Variants in CDK6 observed in about 807,000 individuals in gnomAD.
CDK6 encodes the protein cyclin dependent kinase 6, also known as cyclin-dependent kinase 6.
A neutral mutation model predicts 37.1 loss-of-function variants in CDK6; 6 were observed. The ratio of observed to expected loss-of-function variants is 0.16; its 90% CI spans 0.09 to 0.32. CDK6 has a LOEUF of 0.32. Among genes scored for constraint, CDK6 ranks in the 10% least tolerant of loss-of-function variants. CDK6 has a pLI of 1.00. For missense variants in CDK6, 224 were observed against 418.9 expected (o/e 0.53, Z 4.06); for synonymous variants, 160 against 161.3 (o/e 0.99, Z 0.06).
At chr7:92,794,742 A>G (rs376761924) in intron 2 of CDK6, among the ~76,000 whole-genome samples, 29 of 152,256 alleles carry the variant, frequency 1.9e-4, no homozygotes, top group East Asian at 5.8e-4. Flanking sequence ...TGATTGCTGA[A>G]TGGATATATA....
chr7:92,763,374 T>C (rs1275262895), intron 3 of CDK6, among the ~76,000 whole-genome samples: 1 of 152,248 alleles, frequency 6.6e-6, no homozygotes, highest in Non-Finnish European at 1.5e-5. Context: ...AGTCTGGTAA[T>C]GGTTTACTAA....
intron 4 of CDK6, among the ~76,000 whole-genome samples, chr7:92,698,665 G>A (rs1032155172): frequency 6.6e-6 from 1 of 152,138 alleles, no homozygotes; most frequent in Admixed American, 6.5e-5. Context: ...CCACCCTGTC[G>A]TCGGTGTAAT....
intron 5 of CDK6, among the ~76,000 whole-genome samples, chr7:92,670,936 G>A (rs755233002): frequency 2.6e-5 from 4 of 151,986 alleles, no homozygotes; most frequent in Admixed American, 6.6e-5. Flanking sequence ...TCCTGTACAC[G>A]GCAGCATTTA....
intron 5 of CDK6, among the ~76,000 whole-genome samples, chr7:92,633,913 C>T (rs902310169): frequency 2.6e-5 from 4 of 151,940 alleles, no homozygotes; most frequent in African/African-American, 9.7e-5. Context: ...AGTGGCTTTC[C>T]AATTAATTTT....
chr7:92,781,146 C>T (rs558479847), intron 2 of CDK6, among the ~76,000 whole-genome samples: 2 of 152,170 alleles, frequency 1.3e-5, no homozygotes, highest in African/African-American at 4.8e-5. Context: ...TAAGGCTATG[C>T]CTTCAGTTTA....
rs1222145403 is a variant in CDK6 at position 92,835,464 on chromosome 7, CCT to C, written c.-368+1012_-368+1013del. On this transcript the variant is annotated intron_variant, in intron 1 of 7. Transcript: ENST00000424848. This position sits in a 1 kb window ranked among gnomAD's most constrained non-coding sequence, Gnocchi z 4.2. ...CGGGAGCAGCAATGCCTTTTCCCCC[CCT>C]CTCCTCCACTTTTTTTTGTTGTTGT... Among the ~76,000 whole-genome samples the C allele has an allele frequency of 1.3e-5, 2 of 152,098 alleles. No individual in the cohort carries two copies. The highest frequency in any genetic ancestry group is 4.8e-5 in the African/African-American group (2 of 41,410).
chr7:92,731,334 G>A (rs558383126), intron 3 of CDK6, among the ~76,000 whole-genome samples: 3 of 152,332 alleles, frequency 2.0e-5, no homozygotes, highest in Admixed American at 2.0e-4. Context: ...AAACCAAGAG[G>A]AGGGTTCAAG....
rs192798395 is a variant in CDK6, at chr7:92,694,392, A to C, written c.538-22857T>G. ...CTCAGTGACACCATCTGAACATTGC[A>C]CTGTGTACCAATACATCCAGGTCAG... On this transcript the variant is annotated intron_variant, in intron 4 of 7. Coordinates refer to ENST00000424848, the MANE Select transcript of CDK6 (RefSeq NM_001145306.2). Among the ~76,000 whole-genome samples, 192 of 152,346 alleles carry C rather than the reference A, an allele frequency of 1.3e-3. 1 individual carries two copies. The highest frequency in any genetic ancestry group is 4.5e-3 in the African/African-American group (186 of 41,592).
At chr7:92,658,581 TTCTC>T (rs3839839) in intron 5 of CDK6, among the ~76,000 whole-genome samples, 85 of 146,394 alleles carry the variant, frequency 5.8e-4, no homozygotes, top group African/African-American at 1.2e-3. Context: ...CTCTCTCTCT[TTCTC>T]TCTCTCTCTC....
In CDK6 at chr7:92,835,627, C is replaced by T. The variant is rs1701991958; in HGVS notation, c.-368+851G>A. Among the ~76,000 whole-genome samples the T allele has an allele frequency of 1.3e-5, 2 of 152,218 alleles. No homozygotes were observed. Among genetic ancestry groups the T allele is most frequent in the African/African-American group, 4.8e-5 (2 of 41,452 alleles). ...TCCTTCTGCTTTCTGTCTCTGCTCTCTGTCTTCACACTCAATGAAATCCTT... is the reference window on the plus strand; with the variant it reads ...TCCTTCTGCTTTCTGTCTCTGCTCTTTGTCTTCACACTCAATGAAATCCTT... On this transcript the variant is annotated intron_variant, in intron 1 of 7. Coordinates refer to ENST00000424848, the MANE Select transcript of CDK6 (RefSeq NM_001145306.2). This position sits in a 1 kb window ranked among gnomAD's most constrained non-coding sequence, Gnocchi z 4.2.
At chr7:92,781,322 C>T (rs1234580621) in intron 2 of CDK6, among the ~76,000 whole-genome samples, 2 of 152,258 alleles carry the variant, frequency 1.3e-5, no homozygotes, top group East Asian at 3.8e-4. Context: ...GCACAGCACT[C>T]AGTTTTCCAG....
At chr7:92,767,242 G>A (rs1015273527) in intron 3 of CDK6, among the ~76,000 whole-genome samples, 1 of 152,170 alleles carries the variant, frequency 6.6e-6, no homozygotes, top group Non-Finnish European at 1.5e-5. Context: ...TACTATAAGG[G>A]TTAGGAATTT....
intron 4 of CDK6, among the ~76,000 whole-genome samples, chr7:92,680,430 T>A: frequency 1.4e-5 from 1 of 71,134 alleles, no homozygotes. Flanking sequence ...TGAAATTCCA[T>A]CTCAGAAAAA....
chr7:92,780,828 C>A (rs943632440), intron 2 of CDK6, among the ~76,000 whole-genome samples: 1 of 151,160 alleles, frequency 6.6e-6, no homozygotes, highest in African/African-American at 2.4e-5. Context: ...AAAAAAACCC[C>A]AAAAAACTGG....
At chr7:92,747,923 T>C (rs1799098558) in intron 3 of CDK6, among the ~76,000 whole-genome samples, 1 of 152,240 alleles carries the variant, frequency 6.6e-6, no homozygotes, top group African/African-American at 2.4e-5. Flanking sequence ...AGGTGATGTA[T>C]TTTAAATACA....
In CDK6 at chr7:92,675,383, C is replaced by A. The variant is rs1032371568; in HGVS notation, c.538-3848G>T. Among the ~76,000 whole-genome samples the A allele has an allele frequency of 8.5e-5, 13 of 152,234 alleles. No homozygotes were observed. The East Asian group carries it at 1.9e-3, about 23-fold the overall frequency. On this transcript the variant is annotated intron_variant, in intron 4 of 7. Transcript: ENST00000424848. ...TGTCTATTAATAATGACCATATAAT[C>A]ATTTGCCTTTGTTTTATTAATGACG... is the stretch of plus-strand genomic sequence containing the variant.
At chr7:92,692,036 G>A (rs936186773) in intron 4 of CDK6, among the ~76,000 whole-genome samples, 2 of 152,168 alleles carry the variant, frequency 1.3e-5, no homozygotes, top group South Asian at 4.1e-4. Context: ...GGGAGGCCGA[G>A]GTGGGCGGAT....
At chr7:92,771,388 A>T (rs1799715091) in intron 3 of CDK6, among the ~76,000 whole-genome samples, 1 of 151,938 alleles carries the variant, frequency 6.6e-6, no homozygotes, top group African/African-American at 2.4e-5. Context: ...ATTTAACAAC[A>T]TGATACGTTT....
intron 2 of CDK6, among the ~76,000 whole-genome samples, chr7:92,829,285 T>C (rs1801415314): frequency 1.3e-5 from 2 of 152,346 alleles, no homozygotes; most frequent in African/African-American, 4.8e-5. Flanking sequence ...GCAGTGACTA[T>C]TCTAATTATA....
Sources: allele counts gnomAD v4.1 joint callset (sites outside exome capture counted in the v4.1 genomes callset), GRCh38; gene constraint gnomAD v4.1.1; non-coding constraint Gnocchi (gnomAD v3.1); transcripts MANE v1.5; gene names NCBI Gene and HGNC (gene_info 2026-07-23, HGNC 2026-07-21).